TF: variants seen among roughly 807,000 people sequenced by gnomAD.
The protein encoded by TF is serotransferrin.
Under a neutral mutation model 82.4 loss-of-function variants are expected in TF, and 55 were observed. The observed-to-expected ratio is 0.67, with a 90% CI of 0.54 to 0.84. The LOEUF (loss-of-function observed/expected upper bound fraction) is 0.84. Ranked by LOEUF, TF falls within the 40% of genes least tolerant of loss-of-function variation. The pLI is 0.00. For synonymous variants in TF, 332 were observed against 332.6 expected, an observed-to-expected ratio of 1.00 and a Z score of 0.02; for missense variants, 737 against 868.4, an observed-to-expected ratio of 0.85 and a Z score of 1.90.
At chr3:133,767,954 G>A (rs1372431583) in intron 12 of TF, 75 bp from the exon 13 acceptor site, 12 of 1,573,546 alleles carry the variant, frequency 7.6e-6, no homozygotes, top group Non-Finnish European at 1.0e-5. Context: ...GGGCCATGCA[G>A]CCCTGTTATC....
chr3:133,778,410 G>A, intron 16 of TF, 176 bp from the exon 17 acceptor site: 1 of 606,346 alleles, frequency 1.6e-6, no homozygotes, highest in Non-Finnish European at 3.0e-6. Flanking sequence ...CCCAGGATAG[G>A]CACAGGAGCT....
chr3:133,712,025 G>A, the TF span, among the ~76,000 whole-genome samples: 7,588 of 151,982 alleles, frequency 0.05, 218 homozygotes, highest in Middle Eastern at 0.14. Context: ...TTCATGTCTC[G>A]GCTTAAACCT....
the TF span, among the ~76,000 whole-genome samples, chr3:133,719,042 T>G: frequency 6.6e-6 from 1 of 152,308 alleles, no homozygotes; most frequent in Non-Finnish European, 1.5e-5. Flanking sequence ...TCCACCTAAG[T>G]GTCATAACAC....
the TF span, among the ~76,000 whole-genome samples, chr3:133,675,926 A>G: frequency 3.3e-5 from 5 of 152,270 alleles, no homozygotes; most frequent in African/African-American, 1.2e-4. Flanking sequence ...ATGACCCCTG[A>G]ACTAGAGGCT....
At chr3:133,771,797 G>C (rs560020714) in intron 14 of TF, among the ~76,000 whole-genome samples, 1 of 149,230 alleles carries the variant, frequency 6.7e-6, no homozygotes, top group Non-Finnish European at 1.5e-5. Context: ...GTGGGTGAAC[G>C]TTGGACAGCC....
At chr3:133,664,511 C>T in the TF span, among the ~76,000 whole-genome samples, 24 of 151,906 alleles carry the variant, frequency 1.6e-4, no homozygotes, top group East Asian at 5.8e-4. Flanking sequence ...TTAGTGGAGA[C>T]GGGTTTCACC....
the TF span, among the ~76,000 whole-genome samples, chr3:133,690,408 T>G: frequency 6.6e-6 from 1 of 152,214 alleles, no homozygotes; most frequent in African/African-American, 2.4e-5. Context: ...AAATAACAGT[T>G]TATATTTAGT....
At chr3:133,671,854 G>A in the TF span, among the ~76,000 whole-genome samples, 1 of 150,238 alleles carries the variant, frequency 6.7e-6, no homozygotes, top group African/African-American at 2.4e-5. Context: ...GAATAAAGAA[G>A]CTAGAGAAAG....
the TF span, among the ~76,000 whole-genome samples, chr3:133,712,295 C>T: frequency 6.6e-6 from 1 of 152,118 alleles, no homozygotes; most frequent in South Asian, 2.1e-4. Context: ...TGATGGCACA[C>T]CTTGTGAAAA....
the TF span, among the ~76,000 whole-genome samples, chr3:133,711,525 T>C: frequency 6.6e-6 from 1 of 152,150 alleles, no homozygotes; most frequent in African/African-American, 2.4e-5. Flanking sequence ...TTGTGCCCAC[T>C]GGAAGCCTCA....
At chr3:133,674,539 C>G in the TF span, among the ~76,000 whole-genome samples, 2 of 152,208 alleles carry the variant, frequency 1.3e-5, no homozygotes, top group Non-Finnish European at 2.9e-5. Flanking sequence ...GCTGCTTGCT[C>G]CGGCGGGGTA....
At chr3:133,775,195 G>T (rs1222441063) in intron 14 of TF, 3 of 581,228 alleles carry the variant, frequency 5.2e-6, no homozygotes, top group Non-Finnish European at 9.2e-6. Context: ...TTCTCACCTG[G>T]CTGGGTAGGG....
chr3:133,747,503 A>G (rs1933535889), intron 1 of TF, among the ~76,000 whole-genome samples: 1 of 152,220 alleles, frequency 6.6e-6, no homozygotes, highest in Non-Finnish European at 1.5e-5. Context: ...CTTCAGAGCC[A>G]GTGAGTCAGC....
In TF at chr3:133,746,400, C is replaced by T; in HGVS notation, c.-41C>T. The T allele has an allele frequency of 6.3e-7, 1 of 1,579,910 alleles. No homozygotes were observed. The highest frequency in any genetic ancestry group is 1.2e-5 in the South Asian group (1 of 86,668). ...CGGGGCGCCGGAGGCTGCACAGAAG[C>T]GAGTCCGACTGTGCTCGCTGCTCAG... On this transcript the variant is annotated 5_prime_UTR_variant, in exon 1 of 17. Transcript: ENST00000402696.
At chr3:133,775,052 G>A (rs978106033) in intron 14 of TF, 5 of 338,420 alleles carry the variant, frequency 1.5e-5, no homozygotes, top group South Asian at 1.0e-4. Flanking sequence ...GATGCCATGT[G>A]TTACAGCACA....
At chr3:133,764,703 G>A (rs1934081676) in intron 10 of TF, among the ~76,000 whole-genome samples, 172 bp from the exon 11 acceptor site, 1 of 152,214 alleles carries the variant, frequency 6.6e-6, no homozygotes, top group Non-Finnish European at 1.5e-5. Context: ...GAGGCCAGGA[G>A]GTGAAATGGA....
the TF span, among the ~76,000 whole-genome samples, chr3:133,667,194 G>T: frequency 1.3e-5 from 2 of 151,066 alleles, no homozygotes; most frequent in East Asian, 1.9e-4. Flanking sequence ...AAGTTTTGTT[G>T]TTTTTTTTTA....
rs1559882874 is a variant in TF, at chr3:133,784,483, T to TAA, written c.*5864_*5865dup. The stretch of plus-strand genomic sequence containing the variant: ...CCATTTGTTAAAAAAATAATAATAA[T>TAA]AATAATAATAATAATAATAATAATA... On this transcript the variant is annotated 3_prime_UTR_variant, in exon 17 of 17. Transcript: ENST00000402696. 2 of 135,658 alleles carry TAA rather than the reference T, an allele frequency of 1.5e-5. No individual in the cohort carries two copies. The highest frequency in any genetic ancestry group is 3.2e-5 in the Non-Finnish European group (2 of 61,898). 8.4% of individuals were successfully genotyped at this position (135,658 alleles called of 1,614,324 possible).
chr3:133,699,043 A>G, the TF span, among the ~76,000 whole-genome samples: 1 of 152,238 alleles, frequency 6.6e-6, no homozygotes, highest in African/African-American at 2.4e-5. Flanking sequence ...TCTGAGTCTC[A>G]GTTTCTTCAT....
Sources: allele counts gnomAD v4.1 joint callset (sites outside exome capture counted in the v4.1 genomes callset), GRCh38; gene constraint gnomAD v4.1.1; transcripts MANE v1.5; gene names NCBI Gene and HGNC (gene_info 2026-07-23, HGNC 2026-07-21).